Variants in PLXDC2 observed in about 807,000 individuals in gnomAD.
PLXDC2 encodes the protein plexin domain containing 2.
In PLXDC2, 40 loss-of-function variants were observed where a neutral mutation model predicts 68.9. The observed-to-expected ratio is 0.58, with a 90% CI of 0.45 to 0.76. PLXDC2 has a LOEUF of 0.76. Among genes scored for constraint, PLXDC2 ranks in the 30% least tolerant of loss-of-function variants. The probability of loss-of-function intolerance (pLI) is 0.00; values close to 1 mark genes in which losing one functional copy is unlikely to be tolerated. For synonymous variants in PLXDC2, 243 were observed against 234.2 expected (o/e 1.04, Z -0.34); for missense variants, 644 against 661.9 (o/e 0.97, Z 0.30).
chr10:19,882,844 C>T (rs904347657), intron 1 of PLXDC2, among the ~76,000 whole-genome samples: 1 of 152,024 alleles, frequency 6.6e-6, no homozygotes, highest in African/African-American at 2.4e-5. Flanking sequence ...AAAATGAAAC[C>T]ACCATTATAT....
intron 2 of PLXDC2, among the ~76,000 whole-genome samples, chr10:20,029,305 C>A (rs1835459186): frequency 6.6e-6 from 1 of 152,140 alleles, no homozygotes; most frequent in Admixed American, 6.5e-5. Context: ...AGAGCAAAGA[C>A]TAGATCATAA....
At chr10:20,076,936 A>G (rs947336015) in intron 4 of PLXDC2, among the ~76,000 whole-genome samples, 5 of 152,168 alleles carry the variant, frequency 3.3e-5, no homozygotes, top group Admixed American at 2.6e-4. Flanking sequence ...TTTGTAACAC[A>G]CGATAGAATC....
intron 1 of PLXDC2, among the ~76,000 whole-genome samples, chr10:19,987,298 A>G (rs1834657804): frequency 6.6e-6 from 1 of 152,126 alleles, no homozygotes; most frequent in South Asian, 2.1e-4. Flanking sequence ...TGACTTTGCC[A>G]CCATTCTAAA....
intron 4 of PLXDC2, among the ~76,000 whole-genome samples, chr10:20,125,960 C>T (rs2358843): frequency 0.69 from 101,263 of 147,794 alleles, 36,022 homozygotes; most frequent in African/African-American, 0.86. Context: ...ATAATATTTA[C>T]AATAATACAT....
chr10:20,231,994 G>A (rs960356965), intron 12 of PLXDC2, among the ~76,000 whole-genome samples: 5 of 143,988 alleles, frequency 3.5e-5, no homozygotes, highest in African/African-American at 1.3e-4. Flanking sequence ...TGACAGAACA[G>A]GACCCTATCT....
At position 19,957,103 on chromosome 10, in the gene PLXDC2, A is replaced by G. The variant is rs141976304; in HGVS notation, c.113-44672A>G. ...GGAAATTTTATAAATCATAAAAAAGATTTATATGCTTTATTTGAAAACTGG... is the reference window on the plus strand; with the variant it reads ...GGAAATTTTATAAATCATAAAAAAGGTTTATATGCTTTATTTGAAAACTGG... On this transcript the variant is annotated intron_variant, in intron 1 of 13. Coordinates refer to ENST00000377252, the MANE Select transcript of PLXDC2 (RefSeq NM_032812.9). Among the ~76,000 whole-genome samples, 1,512 of 152,302 alleles carry G rather than the reference A, an allele frequency of 9.9e-3. 26 individuals are homozygous for G. Among genetic ancestry groups the G allele is most frequent in the African/African-American group, 0.034 (1,408 of 41,572 alleles).
intron 4 of PLXDC2, among the ~76,000 whole-genome samples, chr10:20,073,764 G>A (rs996894566): frequency 2.0e-5 from 3 of 152,114 alleles, no homozygotes; most frequent in African/African-American, 7.2e-5. Context: ...ACCAAGATGT[G>A]TTTTTTGCAT....
At chr10:20,104,912 G>T (rs1206292849) in intron 4 of PLXDC2, among the ~76,000 whole-genome samples, 2 of 151,914 alleles carry the variant, frequency 1.3e-5, no homozygotes. Context: ...TTAGCTGGGG[G>T]TGGTGGCGTG....
intron 1 of PLXDC2, among the ~76,000 whole-genome samples, chr10:19,831,202 T>C (rs1213905271): frequency 6.6e-6 from 1 of 152,194 alleles, no homozygotes; most frequent in African/African-American, 2.4e-5. Context: ...GACTGTGATA[T>C]ATTCTTTCTT....
chr10:20,145,310 C>G (rs930506063), intron 5 of PLXDC2, among the ~76,000 whole-genome samples: 1 of 152,226 alleles, frequency 6.6e-6, no homozygotes, highest in African/African-American at 2.4e-5. Flanking sequence ...GAATGAAACA[C>G]TTTTAAACAC....
intron 4 of PLXDC2, among the ~76,000 whole-genome samples, chr10:20,068,580 T>G (rs901074443): frequency 4.0e-5 from 6 of 148,816 alleles, no homozygotes; most frequent in Admixed American, 2.0e-4. Context: ...TGATCTTAAA[T>G]TTTCTTTTAA....
chr10:20,225,859 A>G (rs1208760271), intron 12 of PLXDC2, among the ~76,000 whole-genome samples: 1 of 152,192 alleles, frequency 6.6e-6, no homozygotes, highest in Non-Finnish European at 1.5e-5. Flanking sequence ...TTGATAATAA[A>G]TGGTCTGATT....
chr10:20,275,771 G>T (rs937495504), intron 13 of PLXDC2, among the ~76,000 whole-genome samples: 2 of 152,070 alleles, frequency 1.3e-5, no homozygotes, highest in African/African-American at 4.8e-5. Context: ...AAATTAGCTG[G>T]GCGTGGTGGC....
rs77231663 is a variant in PLXDC2 at position 20,183,602 on chromosome 10, G to A, written c.1061+6193G>A. Among the ~76,000 whole-genome samples the A allele has an allele frequency of 2.9e-3, 439 of 152,006 alleles. 10 individuals carry two copies. In the East Asian group the frequency reaches 0.04, roughly 14 times the overall value. ...GAGGAACCAGCAAAGGAGAAATAAG[G>A]AAACATAAGCTCTTCTAAGGAGTAG... On this transcript the variant is annotated intron_variant, in intron 9 of 13. Coordinates refer to ENST00000377252, the MANE Select transcript of PLXDC2 (RefSeq NM_032812.9).
intron 1 of PLXDC2, among the ~76,000 whole-genome samples, chr10:19,835,754 AG>A (rs1487999399): frequency 6.6e-6 from 1 of 152,160 alleles, no homozygotes; most frequent in Non-Finnish European, 1.5e-5. Flanking sequence ...AGGACAGATC[AG>A]GGAATTCAAT....
chr10:20,273,235 CG>C (rs1835961767), intron 13 of PLXDC2, among the ~76,000 whole-genome samples: 1 of 152,042 alleles, frequency 6.6e-6, no homozygotes, highest in African/African-American at 2.4e-5. Flanking sequence ...CTCTGTTTCC[CG>C]TTTTTTATGG....
chr10:20,051,284 G>A (rs1197657061), intron 3 of PLXDC2, among the ~76,000 whole-genome samples: 1 of 151,432 alleles, frequency 6.6e-6, no homozygotes, highest in Admixed American at 6.6e-5. Flanking sequence ...ACAATTGGTT[G>A]CTAGGCTTAA....
chr10:20,064,739 G>A (rs547445821), intron 3 of PLXDC2, among the ~76,000 whole-genome samples: 42 of 152,232 alleles, frequency 2.8e-4, no homozygotes, highest in African/African-American at 9.6e-4. Flanking sequence ...TTAGAAACCT[G>A]TGCTTGACTC....
intron 1 of PLXDC2, among the ~76,000 whole-genome samples, chr10:19,873,244 T>A (rs2131344459): frequency 6.6e-6 from 1 of 152,258 alleles, no homozygotes; most frequent in East Asian, 1.9e-4. Context: ...AACTCTTCTA[T>A]GGGATGCTGG....
Sources: gnomAD v4.1 joint callset for allele counts (sites outside exome capture counted in the v4.1 genomes callset) on GRCh38, gnomAD v4.1.1 for gene constraint, MANE v1.5 for transcripts, NCBI Gene and HGNC (gene_info 2026-07-23, HGNC 2026-07-21) for gene names.